The following NAA16 variants were observed in gnomAD, a reference collection of about 807,000 sequenced individuals.
The protein encoded by NAA16 is NARG1-like protein.
NAA16 carries 97 observed loss-of-function variants against 110.3 expected under a neutral mutation model. The ratio of observed to expected loss-of-function variants is 0.88; its 90% CI spans 0.75 to 1.04. The LOEUF (loss-of-function observed/expected upper bound fraction) is 1.04, where lower values mean the gene tolerates loss of function less well. Ranked by LOEUF, NAA16 falls within the 50% of genes least tolerant of loss-of-function variation. The pLI, the probability that NAA16 is intolerant of heterozygous loss-of-function variation, is 0.00. For synonymous variants in NAA16, 372 were observed against 330.6 expected (o/e 1.13, Z -1.36); for missense variants, 1,017 against 1,005.1 (o/e 1.01, Z -0.16).
chr13:41,373,458 A>G (rs926317099), intron 17 of NAA16, 179 bp from the exon 18 acceptor site: 18 of 413,662 alleles, frequency 4.4e-5, no homozygotes, highest in Non-Finnish European at 5.2e-5. Flanking sequence ...GGGTTTCACC[A>G]TGTTGGCCAG....
At chr13:41,341,981 G>A (rs1231730409) in intron 9 of NAA16, among the ~76,000 whole-genome samples, 30 of 134,482 alleles carry the variant, frequency 2.2e-4, no homozygotes, top group Middle Eastern at 5.0e-3. Context: ...ACAGGCGCCC[G>A]CTACCATGCC....
intron 14 of NAA16, 87 bp downstream of exon 14, chr13:41,367,739 T>C (rs2043235910): frequency 1.2e-6 from 1 of 863,980 alleles, no homozygotes. Context: ...AAAATATTAA[T>C]ATATTGTCTG....
At chr13:41,346,477 C>T (rs547085158) in intron 9 of NAA16, among the ~76,000 whole-genome samples, 56 of 152,258 alleles carry the variant, frequency 3.7e-4, no homozygotes, top group Non-Finnish European at 7.4e-4. Context: ...CTGTGCCATG[C>T]CATGCTGGGC....
intron 18 of NAA16, 79 bp downstream of exon 18, chr13:41,373,859 A>C: frequency 6.6e-7 from 1 of 1,510,394 alleles, no homozygotes; most frequent in Non-Finnish European, 8.8e-7. Context: ...CCAAAATGTA[A>C]AGCAAATGAA....
intron 1 of NAA16, among the ~76,000 whole-genome samples, chr13:41,311,860 C>T (rs746406063): frequency 3.9e-5 from 6 of 152,252 alleles, no homozygotes; most frequent in Non-Finnish European, 8.8e-5. Context: ...TCCGCAGTGC[C>T]CGGGCACAGC....
At chr13:41,325,592 C>T in intron 5 of NAA16, 106 bp from the exon 6 acceptor site, 1 of 612,400 alleles carries the variant, frequency 1.6e-6, no homozygotes, top group South Asian at 3.3e-5. Context: ...TTGTGGGTTG[C>T]TTTCTTGTTT....
rs1055945115 is a variant in NAA16 at position 41,311,433 on chromosome 13, T to A, written c.-96T>A. On this transcript the variant is annotated 5_prime_UTR_variant, in exon 1 of 20. Coordinates refer to ENST00000379406, the MANE Select transcript of NAA16 (RefSeq NM_024561.5). ...ACTAATCCATCGCCCGCAGCCCGAC[T>A]CTCAGCAGCGGTTCGTCCCGGTGCC... 1.1e-5 allele frequency: 13 copies of A among 1,212,986 alleles called. No individual in the cohort carries two copies. The African/African-American group carries it at 1.7e-4, about 16-fold the overall frequency. The allele number at this position is 1,212,986 out of a possible 1,614,324, so 75.1% of individuals were successfully genotyped here.
intron 15 of NAA16, 29 bp from the exon 16 acceptor site, chr13:41,372,174 A>T: frequency 6.8e-7 from 1 of 1,472,512 alleles, no homozygotes; most frequent in South Asian, 1.3e-5. Context: ...GATGTTTTTT[A>T]AATAATTTTC....
Position 41,375,485 on chromosome 13 carries a change from C to G in NAA16, c.2478C>G (p.Ala826=), listed in dbSNP as rs748117461. 2.8e-5 allele frequency: 45 copies of G among 1,613,834 alleles called. No homozygotes were observed. The Middle Eastern group carries it at 4.9e-4, about 18-fold the overall frequency. ...CSSQYEEYRM[A]CHNLLPFTSA... ...CCCAATATGAAGAATATAGGATGGCCTGTCATAACCTGCTTCCTTTTACAT... is the reference window on the plus strand; with the variant it reads ...CCCAATATGAAGAATATAGGATGGCGTGTCATAACCTGCTTCCTTTTACAT... Residue 826 remains alanine (A), a synonymous_variant, in exon 20 of 20, where the codon GCC becomes GCG. Coordinates refer to ENST00000379406, the MANE Select transcript of NAA16 (RefSeq NM_024561.5).
intron 9 of NAA16, among the ~76,000 whole-genome samples, chr13:41,338,101 T>C (rs1318248502): frequency 1.3e-5 from 2 of 152,228 alleles, no homozygotes; most frequent in Non-Finnish European, 2.9e-5. Context: ...TGCCAATAAT[T>C]TCTCTAGATT....
intron 9 of NAA16, among the ~76,000 whole-genome samples, chr13:41,348,601 GTTTTC>G (rs2042746061): frequency 6.6e-6 from 1 of 152,052 alleles, no homozygotes; most frequent in Admixed American, 6.6e-5. Flanking sequence ...TAAAGGTCTA[GTTTTC>G]TTTTCATGTC....
intron 14 of NAA16, 83 bp downstream of exon 14, chr13:41,367,735 T>A: frequency 1.1e-6 from 1 of 886,920 alleles, no homozygotes; most frequent in African/African-American, 1.7e-5. Flanking sequence ...TAGAAAAATA[T>A]TAATATATTG....
chr13:41,312,576 C>T (rs1028022242), intron 1 of NAA16, among the ~76,000 whole-genome samples: 1 of 152,242 alleles, frequency 6.6e-6, no homozygotes, highest in Non-Finnish European at 1.5e-5. Flanking sequence ...CTTTTATTTG[C>T]TAAACATGCA....
At position 41,373,555 on chromosome 13, in the gene NAA16, G is replaced by T; in HGVS notation, c.2156-82G>T. 5.6e-6 allele frequency: 8 copies of T among 1,437,322 alleles called. No individual in the cohort carries two copies. The South Asian group carries it at 1.0e-4, about 18-fold the overall frequency. 89.0% of individuals were successfully genotyped at this position (1,437,322 alleles called of 1,614,324 possible). On this transcript the variant is annotated intron_variant, in intron 17 of 19. Coordinates refer to ENST00000379406, the MANE Select transcript of NAA16 (RefSeq NM_024561.5). ...TTACAGGCGTGAGCCACCGCGCCCAGCCATAAAGGGTTTTCAGTAGGTTTT... is the reference window on the plus strand; with the variant it reads ...TTACAGGCGTGAGCCACCGCGCCCATCCATAAAGGGTTTTCAGTAGGTTTT...
chr13:41,329,356 A>T (rs1373312445), intron 7 of NAA16, among the ~76,000 whole-genome samples: 2 of 151,980 alleles, frequency 1.3e-5, no homozygotes, highest in Non-Finnish European at 2.9e-5. Flanking sequence ...GACCCTTTTC[A>T]GAACTCTAGT....
chr13:41,355,362 T>C lies in NAA16; in HGVS notation c.1087+146T>C, dbSNP rs554708057. On this transcript the variant is annotated intron_variant, in intron 10 of 19. Coordinates refer to ENST00000379406, the MANE Select transcript of NAA16 (RefSeq NM_024561.5). ...ATTGGTGAATGAAATGAGAGCACTT[T>C]CAATCTTACTTAATTTAAATTTTCC... The C allele has an allele frequency of 5.2e-6, 3 of 582,520 alleles. No individual in the cohort carries two copies. In the South Asian group the frequency reaches 6.9e-5, roughly 13 times the overall value. The allele number at this position is 582,520 out of a possible 1,614,324, so 36.1% of individuals were successfully genotyped here. A position where few individuals can be genotyped will look rare whatever the true frequency, so the allele number is the denominator to read the frequency against.
rs1221215299 is a variant in NAA16 at position 41,323,060 on chromosome 13, CAA to C, written c.408_409del (p.Arg137IlefsTer28). 1.2e-6 allele frequency: 2 copies of C among 1,612,562 alleles called. No homozygotes were observed. Among genetic ancestry groups the C allele is most frequent in the South Asian group, 2.2e-5 (2 of 90,720 alleles). ...AAGTTAAAACTTTTTTTTTAGGAGA[CAA>C]GATACCAGCTTCTTCAGTTGCGCCC... On this transcript the variant is annotated frameshift_variant, in exon 5 of 20. Transcript: ENST00000379406. LOFTEE classifies it high-confidence loss of function.
Position 41,325,720 on chromosome 13 carries a change from A to T in NAA16, c.560A>T (p.Tyr187Phe). ...CAGGTTCCTCCAAACAAAATAGATTATGAATATAGTGAATTGATATTATAC... is the reference window on the plus strand; with the variant it reads ...CAGGTTCCTCCAAACAAAATAGATTTTGAATATAGTGAATTGATATTATAC... Reference protein sequence around the residue: ...TQQVPPNKIDYEYSELILYQN... With the variant: ...TQQVPPNKIDFEYSELILYQN... Residue 187 changes from tyrosine (Y) to phenylalanine (F), a missense_variant, in exon 6 of 20, where the codon TAT (tyrosine) becomes TTT (phenylalanine). Coordinates refer to ENST00000379406, the MANE Select transcript of NAA16 (RefSeq NM_024561.5). 1 of 1,585,076 alleles carries T rather than the reference A, an allele frequency of 6.3e-7. No individual in the cohort carries two copies. The highest frequency in any genetic ancestry group is 8.6e-7 in the Non-Finnish European group (1 of 1,162,972).
chr13:41,345,333 C>T (rs970102100), intron 9 of NAA16, among the ~76,000 whole-genome samples: 7 of 152,214 alleles, frequency 4.6e-5, no homozygotes, highest in African/African-American at 7.2e-5. Flanking sequence ...CTGATTTCTG[C>T]ACATCCTCAT....
Sources: allele counts gnomAD v4.1 joint callset (sites outside exome capture counted in the v4.1 genomes callset), GRCh38; gene constraint gnomAD v4.1.1; transcripts MANE v1.5; gene names NCBI Gene and HGNC (gene_info 2026-07-23, HGNC 2026-07-21).